Variants in MMP16 observed in about 807,000 individuals in gnomAD.
The protein encoded by MMP16 is matrix metalloproteinase-16.
Under a neutral mutation model 67.8 loss-of-function variants are expected in MMP16, and 12 were observed. The observed-to-expected ratio is 0.18, with a 90% CI of 0.11 to 0.29. The LOEUF (loss-of-function observed/expected upper bound fraction) is 0.29, where lower values mean the gene tolerates loss of function less well. Among genes scored for constraint, MMP16 ranks in the 10% least tolerant of loss-of-function variants. The probability of loss-of-function intolerance (pLI) is 1.00; values close to 1 mark genes in which losing one functional copy is unlikely to be tolerated. For missense variants in MMP16, 475 were observed against 765.7 expected (o/e 0.62, Z 4.48); for synonymous variants, 249 against 255.9 (o/e 0.97, Z 0.26).
chr8:88,273,116 C>A (rs1022318401), intron 1 of MMP16, among the ~76,000 whole-genome samples: 14 of 151,350 alleles, frequency 9.3e-5, no homozygotes, highest in East Asian at 7.8e-4. Flanking sequence ...CAGAGTCTTG[C>A]TCTGTCGCCC....
At chr8:88,273,520 A>T (rs916014768) in intron 1 of MMP16, among the ~76,000 whole-genome samples, 11 of 152,098 alleles carry the variant, frequency 7.2e-5, no homozygotes, top group Non-Finnish European at 1.5e-5. Flanking sequence ...ACAGAATAGC[A>T]CTACTGTATA....
At chr8:88,246,490 T>C (rs1810114365) in intron 1 of MMP16, among the ~76,000 whole-genome samples, 1 of 152,140 alleles carries the variant, frequency 6.6e-6, no homozygotes, top group South Asian at 2.1e-4. Flanking sequence ...ATTAAGATGG[T>C]TGAAAAGATG....
chr8:88,180,274 T>C (rs545029282), intron 3 of MMP16, among the ~76,000 whole-genome samples: 1 of 147,592 alleles, frequency 6.8e-6, no homozygotes, highest in Non-Finnish European at 1.5e-5. Context: ...AGAGTGAAAC[T>C]CCGTCTCAAA....
At chr8:88,055,674 T>C (rs1346120353) in intron 8 of MMP16, among the ~76,000 whole-genome samples, 1 of 152,212 alleles carries the variant, frequency 6.6e-6, no homozygotes, top group South Asian at 2.1e-4. Flanking sequence ...TCTTAAGAAA[T>C]AGAATCTGTG....
intron 1 of MMP16, among the ~76,000 whole-genome samples, chr8:88,238,707 C>G (rs547141067): frequency 1.4e-5 from 2 of 147,128 alleles, no homozygotes; most frequent in African/African-American, 5.0e-5. Context: ...CTCTTTGTTT[C>G]CTATCCTTCT....
chr8:88,060,819 A>G (rs1808389218), intron 7 of MMP16, among the ~76,000 whole-genome samples: 1 of 151,984 alleles, frequency 6.6e-6, no homozygotes, highest in African/African-American at 2.4e-5. Flanking sequence ...GGTGCTTAAT[A>G]AATAAATAGT....
chr8:88,128,639 T>TA (rs1563539964), intron 4 of MMP16, among the ~76,000 whole-genome samples: 3 of 151,838 alleles, frequency 2.0e-5, no homozygotes, highest in African/African-American at 4.8e-5. Context: ...TCAAGCAAGA[T>TA]AGAGTCCTCA....
intron 2 of MMP16, among the ~76,000 whole-genome samples, chr8:88,188,070 C>T (rs1220617738): frequency 6.6e-6 from 1 of 152,108 alleles, no homozygotes; most frequent in Non-Finnish European, 1.5e-5. Flanking sequence ...TTTCACTATA[C>T]TGTAAAACAC....
At chr8:88,242,426 T>C (rs1810048476) in intron 1 of MMP16, among the ~76,000 whole-genome samples, 1 of 152,144 alleles carries the variant, frequency 6.6e-6, no homozygotes. Flanking sequence ...AGGATTATAG[T>C]GGAAGGGAAG....
intron 6 of MMP16, among the ~76,000 whole-genome samples, chr8:88,104,066 T>C (rs1035639253): frequency 6.6e-6 from 1 of 151,788 alleles, no homozygotes; most frequent in African/African-American, 2.4e-5. Context: ...TAAAAATTAG[T>C]ATGGCTTCAC....
chr8:88,204,405 T>A (rs1435743385), intron 1 of MMP16, among the ~76,000 whole-genome samples: 8 of 152,088 alleles, frequency 5.3e-5, no homozygotes, highest in Non-Finnish European at 1.0e-4. Flanking sequence ...AAGATAAAGA[T>A]TATAAATAAA....
At chr8:88,279,184 T>C (rs1423337693) in intron 1 of MMP16, among the ~76,000 whole-genome samples, 1 of 147,602 alleles carries the variant, frequency 6.8e-6, no homozygotes, top group Non-Finnish European at 1.5e-5. Context: ...ATTGCACCAC[T>C]GCACTCCAGC....
intron 5 of MMP16, among the ~76,000 whole-genome samples, chr8:88,117,769 A>G (rs1357785738): frequency 6.6e-6 from 1 of 152,128 alleles, no homozygotes; most frequent in Admixed American, 6.6e-5. Context: ...TAATGAATGC[A>G]AAAACGAATT....
chr8:88,113,773 T>C (rs1370507706), intron 6 of MMP16, among the ~76,000 whole-genome samples: 1 of 151,968 alleles, frequency 6.6e-6, no homozygotes, highest in Non-Finnish European at 1.5e-5. Flanking sequence ...CACCCACGTG[T>C]CCACCTTGAA....
chr8:88,196,627 C>A (rs1401792309), intron 2 of MMP16, among the ~76,000 whole-genome samples: 1 of 152,130 alleles, frequency 6.6e-6, no homozygotes, highest in African/African-American at 2.4e-5. Flanking sequence ...TCCAGTGAAA[C>A]CTATCTTTGA....
intron 4 of MMP16, among the ~76,000 whole-genome samples, chr8:88,130,330 C>G (rs558391558): frequency 6.6e-6 from 1 of 151,676 alleles, no homozygotes; most frequent in African/African-American, 2.4e-5. Flanking sequence ...CTAGTATTCA[C>G]ACAGCAAATT....
At chr8:88,105,113 C>A (rs996385278) in intron 6 of MMP16, among the ~76,000 whole-genome samples, 2 of 150,230 alleles carry the variant, frequency 1.3e-5, no homozygotes, top group Admixed American at 6.7e-5. Flanking sequence ...ATGGCAAGTG[C>A]ACTACATAGG....
intron 1 of MMP16, among the ~76,000 whole-genome samples, chr8:88,201,224 C>T (rs1451098807): frequency 1.4e-5 from 2 of 146,488 alleles, no homozygotes; most frequent in Non-Finnish European, 3.0e-5. Flanking sequence ...AGAAGAGATA[C>T]ATTTTAGAAA....
At chr8:88,219,398 G>T (rs1038090642) in intron 1 of MMP16, among the ~76,000 whole-genome samples, 5 of 152,012 alleles carry the variant, frequency 3.3e-5, no homozygotes, top group Non-Finnish European at 7.4e-5. Context: ...AAAGAGAGGA[G>T]AAAGCAAGAG....
Sources: gnomAD v4.1 joint callset for allele counts (sites outside exome capture counted in the v4.1 genomes callset) on GRCh38, gnomAD v4.1.1 for gene constraint, MANE v1.5 for transcripts, NCBI Gene and HGNC (gene_info 2026-07-23, HGNC 2026-07-21) for gene names.